NLRP5: variants seen among roughly 807,000 people sequenced by gnomAD.
The protein encoded by NLRP5 is NLR family pyrin domain containing 5.
In NLRP5, 93 loss-of-function variants were observed where a neutral mutation model predicts 113.1. That is an observed-to-expected ratio of 0.82 (90% CI 0.70 to 0.98). The LOEUF (loss-of-function observed/expected upper bound fraction) is 0.98. Among genes scored for constraint, NLRP5 ranks in the 50% least tolerant of loss-of-function variants. NLRP5 has a pLI of 0.00. For missense variants in NLRP5, 1,808 were observed against 1,514.3 expected (o/e 1.19, Z -3.22); for synonymous variants, 751 against 600.7 (o/e 1.25, Z -3.66).
At chr19:56,025,003 G>T (rs1019304193) in intron 6 of NLRP5, among the ~76,000 whole-genome samples, 4 of 152,026 alleles carry the variant, frequency 2.6e-5, no homozygotes, top group African/African-American at 9.7e-5. Context: ...TCTTCCAGGA[G>T]CATGAGCCCT....
chr19:56,020,873 CATT>C (rs1427117678), intron 6 of NLRP5, among the ~76,000 whole-genome samples: 1 of 138,252 alleles, frequency 7.2e-6, no homozygotes, highest in Non-Finnish European at 1.6e-5. Context: ...GCCTTCGTGG[CATT>C]TTTTTTTTTT....
At chr19:56,054,466 G>A (rs1054437393) in intron 13 of NLRP5, among the ~76,000 whole-genome samples, 3 of 151,664 alleles carry the variant, frequency 2.0e-5, no homozygotes, top group African/African-American at 2.4e-5. Flanking sequence ...GCTGAGGCAG[G>A]AGAATCACTT....
chr19:56,034,662 C>G (rs1005418582), intron 9 of NLRP5, among the ~76,000 whole-genome samples: 1 of 152,170 alleles, frequency 6.6e-6, no homozygotes, highest in African/African-American at 2.4e-5. Context: ...AAAGTGAAAT[C>G]GGTGTGGTAC....
intron 1 of NLRP5, among the ~76,000 whole-genome samples, chr19:56,001,332 AAAAC>A (rs1410700082): frequency 1.5e-5 from 2 of 137,700 alleles, no homozygotes. Flanking sequence ...TTTAAAAAAA[AAAAC>A]AAACAAAAAA....
At chr19:56,020,796 A>G (rs1357397996) in intron 6 of NLRP5, among the ~76,000 whole-genome samples, 1 of 151,686 alleles carries the variant, frequency 6.6e-6, no homozygotes, top group East Asian at 1.9e-4. Context: ...CTATCAACTA[A>G]TATGTACATG....
intron 7 of NLRP5, among the ~76,000 whole-genome samples, chr19:56,030,202 T>C (rs1983042016): frequency 6.6e-6 from 1 of 152,060 alleles, no homozygotes; most frequent in South Asian, 2.1e-4. Context: ...AAACCCCATC[T>C]CTGCTAAAAA....
At chr19:56,000,273 T>C (rs1486611092) in intron 1 of NLRP5, among the ~76,000 whole-genome samples, 1 of 152,184 alleles carries the variant, frequency 6.6e-6, no homozygotes, top group South Asian at 2.1e-4. Flanking sequence ...GCCACTCTTT[T>C]CAGAGGCCCT....
intron 2 of NLRP5, among the ~76,000 whole-genome samples, chr19:56,006,500 G>C (rs1981918748): frequency 1.3e-5 from 2 of 152,038 alleles, no homozygotes; most frequent in Non-Finnish European, 2.9e-5. Context: ...GGGAGGCCAA[G>C]GTGGGTGGAT....
rs1983894171 is a variant in NLRP5 at position 56,050,524 on chromosome 19, G to A, written c.3064G>A (p.Asp1022Asn). Reference sequence around the variant, plus strand: ...GAGCCTTAGCATGAACCCTGTGGAAGACAATGGCGTGAAGCTTCTGTGCGA... The same window carrying A: ...GAGCCTTAGCATGAACCCTGTGGAAAACAATGGCGTGAAGCTTCTGTGCGA... Residue 1022 changes from aspartate (D) to asparagine (N), a missense_variant, in exon 12 of 15, where the codon GAC (aspartate) becomes AAC (asparagine). Physicochemically the swap from Asp to Asn is conservative, Grantham distance 23 (BLOSUM62 1). Transcript: ENST00000390649. The A allele has an allele frequency of 2.5e-6, 4 of 1,613,876 alleles. No individual in the cohort carries two copies. Among genetic ancestry groups the A allele is most frequent in the Non-Finnish European group, 3.4e-6 (4 of 1,179,886 alleles).
intron 11 of NLRP5, among the ~76,000 whole-genome samples, chr19:56,044,448 C>G (rs540357841): frequency 4.5e-4 from 69 of 152,326 alleles, no homozygotes; most frequent in African/African-American, 1.6e-3. Flanking sequence ...AGCCAATTAT[C>G]TCAGCACCGT....
the NLRP5 span, among the ~76,000 whole-genome samples, chr19:55,990,914 A>T: frequency 3.9e-5 from 6 of 152,082 alleles, no homozygotes; most frequent in African/African-American, 1.4e-4. Context: ...AACCCAGGAG[A>T]CGGAGATTGC....
chr19:56,055,066 C>T (rs1208069501), intron 13 of NLRP5, among the ~76,000 whole-genome samples: 2 of 138,884 alleles, frequency 1.4e-5, no homozygotes, highest in African/African-American at 5.4e-5. Context: ...GTGGCACAAT[C>T]TCGGCTCCCT....
At chr19:56,048,977 T>TCA (rs1555770465) in intron 11 of NLRP5, among the ~76,000 whole-genome samples, 1 of 115,370 alleles carries the variant, frequency 8.7e-6, no homozygotes, top group Non-Finnish European at 1.7e-5. Flanking sequence ...TTTTTTTTTT[T>TCA]AATTTTTTTT....
the NLRP5 span, chr19:55,987,996 A>G: frequency 9.6e-7 from 1 of 1,040,562 alleles, no homozygotes; most frequent in East Asian, 2.4e-5. Flanking sequence ...ATCATCCTGT[A>G]TGCATTAACG....
chr19:56,005,208 C>CAT lies in NLRP5; in HGVS notation c.442+1115_442+1116dup, dbSNP rs539956878. Among the ~76,000 whole-genome samples, 372 of 124,608 alleles carry CAT rather than the reference C, an allele frequency of 3.0e-3. 3 individuals are homozygous for CAT. The highest frequency in any genetic ancestry group is 0.013 in the African/African-American group (362 of 28,490). 81.7% of individuals were successfully genotyped at this position (124,608 alleles called of 152,430 possible). On this transcript the variant is annotated intron_variant, in intron 2 of 14. Coordinates refer to ENST00000390649, the MANE Select transcript of NLRP5 (RefSeq NM_153447.4). ...ACACATATTTTTATATACACATACACATACACACATATACACATATATTTT... is the reference window on the plus strand; with the variant it reads ...ACACATATTTTTATATACACATACACATATACACACATATACACATATATTTT...
In NLRP5 at chr19:56,028,302, G is replaced by C. The variant is rs546431148; in HGVS notation, c.2069G>C (p.Cys690Ser). 3.1e-6 allele frequency: 5 copies of C among 1,613,988 alleles called. No individual in the cohort carries two copies. The African/African-American group carries it at 5.3e-5, about 17-fold the overall frequency. The change falls in exon 7 of 15, where the codon TGT (cysteine) becomes TCT (serine). Residue 690 changes from cysteine (C) to serine (S), a missense_variant. Coordinates refer to ENST00000390649, the MANE Select transcript of NLRP5 (RefSeq NM_153447.4). ...GGAGACACCCTGGACGCCTTCCACT[G>C]TCTTTTCGAGACTCAAGACAAAGAG...
chr19:55,998,658 A>ATGTGTGTGTGTGTG (rs145042875), upstream of NLRP5, among the ~76,000 whole-genome samples: 460 of 44,554 alleles, frequency 0.01, 11 homozygotes, highest in South Asian at 0.024. Flanking sequence ...GTCTCAAAAT[A>ATGTGTGTGTGTGTG]TGTGTGTGTG....
intron 12 of NLRP5, among the ~76,000 whole-genome samples, chr19:56,052,431 G>C (rs1010950623): frequency 6.6e-6 from 1 of 152,094 alleles, no homozygotes; most frequent in Non-Finnish European, 1.5e-5. Context: ...ACCATGCCCA[G>C]CTACTTTTTT....
Position 55,999,791 on chromosome 19 carries a change from G to T in NLRP5, c.62+4G>T. The T allele has an allele frequency of 6.2e-7, 1 of 1,612,084 alleles. No individual in the cohort carries two copies. The highest frequency in any genetic ancestry group is 8.5e-7 in the Non-Finnish European group (1 of 1,178,374). On this transcript the variant is annotated splice_donor_region_variant and intron_variant, in intron 1 of 14. Coordinates refer to ENST00000390649, the MANE Select transcript of NLRP5 (RefSeq NM_153447.4). Reference sequence around the variant, plus strand: ...TGCTCTCAGCATCACCACGTGCGTCGACAGCCTCTTAGAGTTACCTATGAG... The same window carrying T: ...TGCTCTCAGCATCACCACGTGCGTCTACAGCCTCTTAGAGTTACCTATGAG...
Sources: gnomAD v4.1 joint callset for allele counts (sites outside exome capture counted in the v4.1 genomes callset) on GRCh38, gnomAD v4.1.1 for gene constraint, MANE v1.5 for transcripts, NCBI Gene and HGNC (gene_info 2026-07-23, HGNC 2026-07-21) for gene names.